Variants in MROH9 observed in about 807,000 individuals in gnomAD.
MROH9 encodes the protein maestro heat like repeat family member 9.
MROH9 carries 92 observed loss-of-function variants against 98.2 expected under a neutral mutation model. The observed-to-expected ratio is 0.94, with a 90% CI of 0.79 to 1.11. The LOEUF (loss-of-function observed/expected upper bound fraction) is 1.11. Ranked by LOEUF, MROH9 falls within the 50% of genes most tolerant of loss-of-function variation. MROH9 has a pLI of 0.00. For missense variants in MROH9, 1,057 were observed against 1,014.8 expected (o/e 1.04, Z -0.57); for synonymous variants, 397 against 368.9 (o/e 1.08, Z -0.87).
At position 171,041,347 on chromosome 1, in the gene MROH9, A is replaced by ATATGTG. The variant is rs1553222158; in HGVS notation, c.2281+15928_2281+15929insATGTGT. ...TTTTATGGCTGAGTAGTATTCCATG[A>ATATGTG]TGTGTGTGTGTGTGTGTGTGTGTGT... On this transcript the variant is annotated intron_variant, in intron 20 of 21. Coordinates refer to ENST00000367759, the MANE Select transcript of MROH9 (RefSeq NM_001163629.2). Among the ~76,000 whole-genome samples the ATATGTG allele has an allele frequency of 1.6e-4, 13 of 80,644 alleles. No homozygotes were observed. In the South Asian group the frequency reaches 2.6e-3, roughly 16 times the overall value. 52.9% of individuals were successfully genotyped at this position (80,644 alleles called of 152,430 possible).
At chr1:171,033,686 T>C (rs2101851224) in intron 20 of MROH9, among the ~76,000 whole-genome samples, 2 of 152,316 alleles carry the variant, frequency 1.3e-5, no homozygotes, top group East Asian at 3.9e-4. Flanking sequence ...TTTTGTTTTT[T>C]TCCTGATGGG....
chr1:170,993,618 G>A (rs1378414247), intron 12 of MROH9, among the ~76,000 whole-genome samples: 1 of 152,220 alleles, frequency 6.6e-6, no homozygotes, highest in East Asian at 1.9e-4. Flanking sequence ...GGGAGTGCTC[G>A]AGTTAGTGTA....
At chr1:171,060,853 T>C (rs913135218) in intron 20 of MROH9, among the ~76,000 whole-genome samples, 4 of 152,130 alleles carry the variant, frequency 2.6e-5, no homozygotes, top group Admixed American at 6.6e-5. Context: ...CAAAATTAAC[T>C]GACCATAAAT....
chr1:171,038,062 A>G (rs1373349255), intron 20 of MROH9, among the ~76,000 whole-genome samples: 1 of 152,034 alleles, frequency 6.6e-6, no homozygotes, highest in Non-Finnish European at 1.5e-5. Context: ...GAAGCCATAA[A>G]GAAAAGATTG....
intron 15 of MROH9, among the ~76,000 whole-genome samples, chr1:171,004,210 G>A (rs1651874670): frequency 6.6e-6 from 1 of 152,172 alleles, no homozygotes; most frequent in Admixed American, 6.5e-5. Context: ...TCCCCTGCCT[G>A]TGAAGTCTAA....
intron 17 of MROH9, among the ~76,000 whole-genome samples, chr1:171,024,142 C>T (rs1652613815): frequency 6.6e-6 from 1 of 151,998 alleles, no homozygotes; most frequent in Non-Finnish European, 1.5e-5. Flanking sequence ...TAGGTTAATT[C>T]CATATCTTGG....
intron 15 of MROH9, among the ~76,000 whole-genome samples, chr1:171,003,180 T>C (rs1390809159): frequency 1.3e-5 from 2 of 152,206 alleles, no homozygotes; most frequent in East Asian, 3.9e-4. Context: ...GCATTGGGCT[T>C]TGCCTTTCTC....
At chr1:170,974,885 A>G (rs1650621547) in intron 8 of MROH9, among the ~76,000 whole-genome samples, 1 of 152,066 alleles carries the variant, frequency 6.6e-6, no homozygotes, top group Non-Finnish European at 1.5e-5. Flanking sequence ...ATGTGTTTTA[A>G]AATTCTTCTC....
intron 20 of MROH9, among the ~76,000 whole-genome samples, chr1:171,039,236 G>A (rs765551626): frequency 6.6e-5 from 10 of 152,250 alleles, no homozygotes; most frequent in Non-Finnish European, 1.3e-4. Flanking sequence ...TTTGCATAAT[G>A]TTTCCACCTA....
At chr1:171,045,157 C>A (rs1012077370) in intron 20 of MROH9, among the ~76,000 whole-genome samples, 14 of 151,188 alleles carry the variant, frequency 9.3e-5, no homozygotes, top group Admixed American at 2.6e-4. Context: ...CCCGCCACCA[C>A]GCCCGGTTAA....
At chr1:171,005,492 CGTT>C (rs1651924832) in intron 15 of MROH9, among the ~76,000 whole-genome samples, 1 of 152,042 alleles carries the variant, frequency 6.6e-6, no homozygotes, top group Admixed American at 6.6e-5. Flanking sequence ...AGGTCTGTAA[CGTT>C]GTTGGTTAAA....
chr1:171,016,960 T>C (rs1652347672), intron 17 of MROH9, among the ~76,000 whole-genome samples: 1 of 152,196 alleles, frequency 6.6e-6, no homozygotes, highest in Non-Finnish European at 1.5e-5. Context: ...AAATTGTTAG[T>C]AAACCAGAGA....
intron 6 of MROH9, among the ~76,000 whole-genome samples, chr1:170,963,927 T>C (rs751267414): frequency 6.6e-6 from 1 of 152,104 alleles, no homozygotes; most frequent in Non-Finnish European, 1.5e-5. Context: ...AACCTGCACA[T>C]GTACCTCTGA....
intron 15 of MROH9, among the ~76,000 whole-genome samples, chr1:171,010,269 T>C (rs1344197451): frequency 6.6e-6 from 1 of 152,240 alleles, no homozygotes; most frequent in Admixed American, 6.5e-5. Context: ...GCAAAGGACA[T>C]GAACTCATCC....
rs146157605 is a variant in MROH9, at chr1:170,937,292, T to C, written c.-38+1705T>C. ...CCTTCAGTGATGTTTACTCTCTTCC[T>C]TGATGTCCTGTAACTTAAACACTAT... On this transcript the variant is annotated intron_variant, in intron 1 of 21. Coordinates refer to ENST00000367759, the MANE Select transcript of MROH9 (RefSeq NM_001163629.2). Among the ~76,000 whole-genome samples, 1,063 of 152,338 alleles carry C rather than the reference T, an allele frequency of 7.0e-3. 7 individuals are homozygous for C. Among genetic ancestry groups the C allele is most frequent in the African/African-American group, 0.024 (986 of 41,576 alleles).
chr1:171,050,914 C>T (rs7054583), intron 20 of MROH9, among the ~76,000 whole-genome samples: 3,320 of 152,086 alleles, frequency 0.022, 123 homozygotes, highest in African/African-American at 0.076. Context: ...ACATTTATTG[C>T]GATGATTATT....
chr1:170,996,322 A>G (rs891969286), intron 13 of MROH9, among the ~76,000 whole-genome samples, 185 bp from the exon 14 acceptor site: 1 of 152,188 alleles, frequency 6.6e-6, no homozygotes, highest in African/African-American at 2.4e-5. Flanking sequence ...ATTTTAATTT[A>G]ACCCCTATCC....
In MROH9 at chr1:170,981,142, G is replaced by A. The variant is rs534912075; in HGVS notation, c.617-2280G>A. ...ATAGATGGAGGATGTGGAGCAATAGGAATACTTTTACACTGTTGGTGGGAA... is the reference window on the plus strand; with the variant it reads ...ATAGATGGAGGATGTGGAGCAATAGAAATACTTTTACACTGTTGGTGGGAA... On this transcript the variant is annotated intron_variant, in intron 8 of 21. Coordinates refer to ENST00000367759, the MANE Select transcript of MROH9 (RefSeq NM_001163629.2). 1.5e-3 allele frequency among the ~76,000 whole-genome samples: 227 copies of A among 152,246 alleles called. 2 individuals are homozygous for A. Among genetic ancestry groups the A allele is most frequent in the African/African-American group, 5.2e-3 (218 of 41,566 alleles).
intron 12 of MROH9, among the ~76,000 whole-genome samples, chr1:170,992,597 A>G (rs1021525237): frequency 2.0e-5 from 3 of 152,178 alleles, no homozygotes; most frequent in African/African-American, 7.2e-5. Flanking sequence ...GGTGTGGAGG[A>G]AAGAAAGTGA....
Sources: allele counts gnomAD v4.1 joint callset (sites outside exome capture counted in the v4.1 genomes callset), GRCh38; gene constraint gnomAD v4.1.1; transcripts MANE v1.5; gene names NCBI Gene and HGNC (gene_info 2026-07-23, HGNC 2026-07-21).